The following PCDH15 variants were observed in gnomAD, a reference collection of about 807,000 sequenced individuals.
PCDH15 encodes protocadherin related 15.
Under a neutral mutation model 178.5 loss-of-function variants are expected in PCDH15, and 129 were observed. The ratio of observed to expected loss-of-function variants is 0.72; its 90% CI spans 0.63 to 0.84. The LOEUF (loss-of-function observed/expected upper bound fraction) is 0.84, where lower values mean the gene tolerates loss of function less well. Among genes scored for constraint, PCDH15 ranks in the 40% least tolerant of loss-of-function variants. The pLI, the probability that PCDH15 is intolerant of heterozygous loss-of-function variation, is 0.00. For synonymous variants in PCDH15, 800 were observed against 732.0 expected, an observed-to-expected ratio of 1.09 and a Z score of -1.50; for missense variants, 2,230 against 2,099.9, an observed-to-expected ratio of 1.06 and a Z score of -1.21.
chr10:54,381,256 T>C (rs563150907), intron 3 of PCDH15, among the ~76,000 whole-genome samples: 1 of 152,182 alleles, frequency 6.6e-6, no homozygotes, highest in Non-Finnish European at 1.5e-5. Context: ...CTTAGAAGAA[T>C]ACGTGACACC....
intron 3 of PCDH15, among the ~76,000 whole-genome samples, chr10:54,864,956 A>T (rs966325741): frequency 1.3e-5 from 2 of 152,198 alleles, no homozygotes; most frequent in African/African-American, 4.8e-5. Flanking sequence ...AAGGATGTGA[A>T]TACCAGAACA....
At chr10:55,286,869 T>A (rs923303057) in intron 1 of PCDH15, among the ~76,000 whole-genome samples, 1 of 152,056 alleles carries the variant, frequency 6.6e-6, no homozygotes, top group Non-Finnish European at 1.5e-5. Flanking sequence ...TGCATTTGTA[T>A]TAGCCAAGTA....
At chr10:55,306,260 G>A (rs1420552304) in intron 1 of PCDH15, among the ~76,000 whole-genome samples, 3 of 152,144 alleles carry the variant, frequency 2.0e-5, no homozygotes, top group South Asian at 2.1e-4. Context: ...GATAAAGCTC[G>A]TTAACTCAGC....
intron 1 of PCDH15, among the ~76,000 whole-genome samples, chr10:55,205,505 G>T (rs1840373217): frequency 6.6e-6 from 1 of 151,940 alleles, no homozygotes; most frequent in African/African-American, 2.4e-5. Context: ...TATAATATTA[G>T]TTAATAGTCT....
rs114975547 is a variant in PCDH15, at chr10:55,218,004, T to C, written c.-155-51353A>G. ...ATGCAGTGCCTTAAAATCCTGTCAG[T>C]AGGAGCATTCCTCTCTTTTTAGGAA... is the stretch of plus-strand genomic sequence containing the variant. On this transcript the variant is annotated intron_variant, in intron 1 of 5. Transcript: ENST00000458638. Among the ~76,000 whole-genome samples, 784 of 152,150 alleles carry C rather than the reference T, an allele frequency of 5.2e-3. 10 individuals carry two copies. The highest frequency in any genetic ancestry group is 0.017 in the African/African-American group (722 of 41,506).
intron 6 of PCDH15, among the ~76,000 whole-genome samples, chr10:54,333,968 C>A (rs775174484): frequency 2.0e-5 from 3 of 152,146 alleles, no homozygotes; most frequent in Non-Finnish European, 4.4e-5. Context: ...CTTAAGCAAC[C>A]TTACATTTCT....
intron 2 of PCDH15, among the ~76,000 whole-genome samples, chr10:55,379,059 T>C (rs1391449503): frequency 6.6e-6 from 1 of 152,054 alleles, no homozygotes; most frequent in Non-Finnish European, 1.5e-5. Flanking sequence ...TTGAAATTAT[T>C]TCTAAAACAA....
chr10:55,521,919 T>C (rs958649810), intron 2 of PCDH15, among the ~76,000 whole-genome samples: 1 of 151,914 alleles, frequency 6.6e-6, no homozygotes, highest in East Asian at 1.9e-4. Context: ...TGAGAGAGTA[T>C]CATGTGGCAT....
intron 2 of PCDH15, among the ~76,000 whole-genome samples, chr10:55,619,379 G>A (rs7919165): frequency 6.6e-6 from 1 of 151,618 alleles, no homozygotes; most frequent in Non-Finnish European, 1.5e-5. Context: ...CTTTAGTAAC[G>A]TCAAACAAAA....
At chr10:54,156,714 T>C (rs187350779) in intron 13 of PCDH15, among the ~76,000 whole-genome samples, 8 of 152,326 alleles carry the variant, frequency 5.3e-5, no homozygotes, top group Admixed American at 4.6e-4. Context: ...TCTTAACTCA[T>C]TTCAGCATTA....
At chr10:55,451,023 T>C (rs1839424906) in intron 2 of PCDH15, among the ~76,000 whole-genome samples, 1 of 146,324 alleles carries the variant, frequency 6.8e-6, no homozygotes, top group South Asian at 2.2e-4. Context: ...AACTCTAACA[T>C]TTACATAGAG....
chr10:54,938,094 G>A (rs1837951392), intron 2 of PCDH15, among the ~76,000 whole-genome samples: 1 of 152,056 alleles, frequency 6.6e-6, no homozygotes, highest in African/African-American at 2.4e-5. Context: ...CATCTATTAA[G>A]ATGGTCATGT....
intron 2 of PCDH15, among the ~76,000 whole-genome samples, chr10:55,095,597 T>C (rs1043403519): frequency 3.9e-5 from 6 of 152,086 alleles, no homozygotes; most frequent in African/African-American, 1.4e-4. Flanking sequence ...GGAAGAATTG[T>C]TAACTATTTT....
chr10:55,156,419 G>T (rs1838891796), intron 2 of PCDH15, among the ~76,000 whole-genome samples: 4 of 152,106 alleles, frequency 2.6e-5, no homozygotes, highest in African/African-American at 9.7e-5. Flanking sequence ...CCTTCTTCTA[G>T]GTTGAATGGT....
chr10:54,923,059 A>C (rs1174781647), intron 2 of PCDH15, among the ~76,000 whole-genome samples: 2 of 88,242 alleles, frequency 2.3e-5, no homozygotes, highest in Non-Finnish European at 6.5e-5. Context: ...TCTGAAATCT[A>C]GGAAGAGGCT....
chr10:55,608,325 G>A (rs546964259), intron 2 of PCDH15, among the ~76,000 whole-genome samples: 5 of 150,922 alleles, frequency 3.3e-5, no homozygotes, highest in African/African-American at 9.7e-5. Flanking sequence ...GGGGGAAGAG[G>A]GGAGAGGAGA....
At chr10:54,044,766 T>C (rs2093624411) in intron 18 of PCDH15, among the ~76,000 whole-genome samples, 1 of 152,138 alleles carries the variant, frequency 6.6e-6, no homozygotes, top group Non-Finnish European at 1.5e-5. Context: ...ATTTATATAA[T>C]CTAAAAACAT....
intron 2 of PCDH15, among the ~76,000 whole-genome samples, chr10:54,914,942 T>C (rs1270303260): frequency 1.3e-5 from 2 of 152,206 alleles, no homozygotes; most frequent in Non-Finnish European, 2.9e-5. Context: ...AAAGCAAAGA[T>C]ACAATCTTAT....
intron 1 of PCDH15, among the ~76,000 whole-genome samples, chr10:54,681,334 A>G (rs1023978157): frequency 6.6e-6 from 1 of 152,210 alleles, no homozygotes; most frequent in African/African-American, 2.4e-5. Context: ...AAAAATTGCC[A>G]GTCATGAAAT....
Sources: gnomAD v4.1 joint callset for allele counts (sites outside exome capture counted in the v4.1 genomes callset) on GRCh38, gnomAD v4.1.1 for gene constraint, MANE v1.5 for transcripts, NCBI Gene and HGNC (gene_info 2026-07-23, HGNC 2026-07-21) for gene names.